The following ZFR2 variants were observed in gnomAD, a reference collection of about 807,000 sequenced individuals.
ZFR2 encodes zinc finger RNA-binding protein 2.
In ZFR2, 104 loss-of-function variants were observed where a neutral mutation model predicts 105.7. That is an observed-to-expected ratio of 0.98 (90% CI 0.84 to 1.16). The LOEUF is 1.16. Ranked by LOEUF, ZFR2 falls within the 50% of genes most tolerant of loss-of-function variation. ZFR2 has a pLI of 0.00. For synonymous variants in ZFR2, 634 were observed against 597.7 expected, an observed-to-expected ratio of 1.06 and a Z score of -0.89; for missense variants, 1,425 against 1,355.5, an observed-to-expected ratio of 1.05 and a Z score of -0.80.
At chr19:3,856,868 A>T (rs1185655244) in intron 1 of ZFR2, 1 of 145,454 alleles carries the variant, frequency 6.9e-6, no homozygotes, top group African/African-American at 2.5e-5. Context: ...GTAGCTGGGA[A>T]TATAGGCACC....
chr19:3,844,044 G>T (rs1438987411), intron 1 of ZFR2, among the ~76,000 whole-genome samples: 5 of 149,024 alleles, frequency 3.4e-5, no homozygotes, highest in South Asian at 2.2e-4. Flanking sequence ...CCGGGGAGGG[G>T]AAGGGGAGTG....
intron 1 of ZFR2, among the ~76,000 whole-genome samples, chr19:3,846,334 G>A (rs1483831929): frequency 3.9e-5 from 6 of 152,212 alleles, no homozygotes; most frequent in Non-Finnish European, 7.3e-5. Flanking sequence ...CAGAACCCAT[G>A]GATAGGGAGG....
chr19:3,822,842 G>A (rs569689871), intron 8 of ZFR2, among the ~76,000 whole-genome samples: 2 of 152,298 alleles, frequency 1.3e-5, no homozygotes, highest in East Asian at 3.9e-4. Flanking sequence ...CCAGGAGCTC[G>A]GCTCCACTGC....
intron 5 of ZFR2, among the ~76,000 whole-genome samples, chr19:3,828,962 C>CTTTTT (rs34334054): frequency 7.2e-6 from 1 of 139,774 alleles, no homozygotes; most frequent in African/African-American, 2.7e-5. Flanking sequence ...ACTTAGGAAT[C>CTTTTT]TTTTTTTTTT....
At chr19:3,829,779 G>T (rs1401764096) in intron 5 of ZFR2, among the ~76,000 whole-genome samples, 1 of 152,216 alleles carries the variant, frequency 6.6e-6, no homozygotes, top group Non-Finnish European at 1.5e-5. Flanking sequence ...CTCCCAAGGT[G>T]CTGGGATTAC....
intron 5 of ZFR2, among the ~76,000 whole-genome samples, chr19:3,830,012 C>T (rs1487617770): frequency 6.6e-6 from 1 of 152,146 alleles, no homozygotes; most frequent in Non-Finnish European, 1.5e-5. Context: ...ATTAAATAAC[C>T]CACACGGGCC....
At chr19:3,821,277 A>T in intron 10 of ZFR2, 63 bp downstream of exon 10, 1 of 1,470,078 alleles carries the variant, frequency 6.8e-7, no homozygotes. Flanking sequence ...GTGGGCGTCT[A>T]GGTTCCACGC....
intron 1 of ZFR2, among the ~76,000 whole-genome samples, chr19:3,845,917 T>G (rs1261528074): frequency 6.6e-6 from 1 of 152,202 alleles, no homozygotes; most frequent in Admixed American, 6.5e-5. Context: ...GGGCGCGGAT[T>G]CAGCCCCTGA....
chr19:3,861,956 T>C (rs766717601), intron 1 of ZFR2, among the ~76,000 whole-genome samples: 1 of 151,972 alleles, frequency 6.6e-6, no homozygotes, highest in Non-Finnish European at 1.5e-5. Context: ...ACAAAGACAA[T>C]GAACACAGGG....
At position 3,821,404 on chromosome 19, in the gene ZFR2, T is replaced by C. The variant is rs1006362158; in HGVS notation, c.1567A>G (p.Arg523Gly). Residue 523 changes from arginine (R) to glycine (G), a missense_variant, in exon 10 of 19, where the codon AGG (arginine) becomes GGG (glycine). Physicochemically the swap from Arg to Gly is moderately radical, Grantham distance 125. Coordinates refer to ENST00000262961, the MANE Select transcript of ZFR2 (RefSeq NM_015174.2). ...TCCTCCGCCAGGTGCCGCTGCTTCC[T>C]CATGCGCTCCTCCAGGACCTTCCGA... is the stretch of plus-strand genomic sequence containing the variant. ...RARKVLEERMRKQRHLAEERL... is the reference protein window; with the variant it reads ...RARKVLEERMGKQRHLAEERL... 6 of 1,611,772 alleles carry C rather than the reference T, an allele frequency of 3.7e-6. No homozygotes were observed. The Admixed American group carries it at 8.3e-5, about 22-fold the overall frequency.
rs752530849 is a variant in ZFR2 at position 3,833,794 on chromosome 19, G to A, written c.265-16C>T. ...TGTAACTGTCCTATGTGGGGGTTTCGGCAGGAGAGAGACAGAGAACGGAGG... is the reference window on the plus strand; with the variant it reads ...TGTAACTGTCCTATGTGGGGGTTTCAGCAGGAGAGAGACAGAGAACGGAGG... On this transcript the variant is annotated splice_polypyrimidine_tract_variant and intron_variant, in intron 2 of 18. Transcript: ENST00000262961. 9.6e-6 allele frequency: 15 copies of A among 1,555,102 alleles called. No individual in the cohort carries two copies. Among genetic ancestry groups the A allele is most frequent in the African/African-American group, 2.7e-5 (2 of 73,496 alleles).
Position 3,813,110 on chromosome 19 carries a change from G to A in ZFR2, c.2242+710C>T, listed in dbSNP as rs565513866. On this transcript the variant is annotated intron_variant, in intron 14 of 18. Transcript: ENST00000262961. The surrounding 1 kb of genome is among the most constrained non-coding windows in gnomAD (Gnocchi z 4.4). ...ACAAACAAACAAAAAATACCAAATC[G>A]ATTGAAAGAGAAACATCAGTAGGTC... is the stretch of plus-strand genomic sequence containing the variant. Among the ~76,000 whole-genome samples, 18 of 152,164 alleles carry A rather than the reference G, an allele frequency of 1.2e-4. No individual in the cohort carries two copies. The highest frequency in any genetic ancestry group is 4.2e-4 in the South Asian group (2 of 4,818).
At chr19:3,868,595 G>A (rs909205020) in intron 1 of ZFR2, among the ~76,000 whole-genome samples, 2 of 139,728 alleles carry the variant, frequency 1.4e-5, no homozygotes, top group Non-Finnish European at 3.1e-5. Context: ...CCCCCGCCCG[G>A]GTCTGTCCCC....
At chr19:3,833,858 A>C in intron 2 of ZFR2, 80 bp from the exon 3 acceptor site, 1 of 1,083,540 alleles carries the variant, frequency 9.2e-7, no homozygotes, top group Non-Finnish European at 1.3e-6. Context: ...GCCCTGCCAC[A>C]CTGCACTCTG....
At chr19:3,855,104 C>G (rs927706721) in intron 1 of ZFR2, among the ~76,000 whole-genome samples, 3 of 152,126 alleles carry the variant, frequency 2.0e-5, no homozygotes, top group African/African-American at 7.2e-5. Flanking sequence ...CTATGTCGCC[C>G]AGGCTGGTCT....
chr19:3,844,769 A>C (rs1122500), intron 1 of ZFR2, among the ~76,000 whole-genome samples: 1 of 152,088 alleles, frequency 6.6e-6, no homozygotes, highest in Middle Eastern at 3.2e-3. Context: ...TAGATGAGTC[A>C]GGGTTCCAGC....
Position 3,835,121 on chromosome 19 carries a change from C to T in ZFR2, c.54-138G>A, listed in dbSNP as rs113428650. 6,187 of 929,188 alleles carry T rather than the reference C, an allele frequency of 6.7e-3. 225 individuals are homozygous for T. In the African/African-American group the frequency reaches 0.086, roughly 13 times the overall value. The allele number at this position is 929,188 out of a possible 1,614,324, so 57.6% of individuals were successfully genotyped here. A position where few individuals can be genotyped will look rare whatever the true frequency, so the allele number is the denominator to read the frequency against. On this transcript the variant is annotated intron_variant, in intron 1 of 18. Coordinates refer to ENST00000262961, the MANE Select transcript of ZFR2 (RefSeq NM_015174.2). Reference sequence around the variant, plus strand: ...GGAGACCCTCCTAGGAGCCCAGGCACGGCCGGAAGCACTTTACACAAATTA... The same window carrying T: ...GGAGACCCTCCTAGGAGCCCAGGCATGGCCGGAAGCACTTTACACAAATTA...
intron 6 of ZFR2, 91 bp downstream of exon 6, chr19:3,827,380 C>T: frequency 1.4e-6 from 2 of 1,382,668 alleles, no homozygotes. Context: ...CCAGCTCCCT[C>T]TGATCTCCCC....
intron 1 of ZFR2, among the ~76,000 whole-genome samples, chr19:3,866,887 T>G (rs1032151421): frequency 1.3e-5 from 2 of 152,176 alleles, no homozygotes; most frequent in African/African-American, 4.8e-5. Context: ...CATAGATTCT[T>G]TCCCTAATAG....
Sources: gnomAD v4.1 joint callset for allele counts (sites outside exome capture counted in the v4.1 genomes callset) on GRCh38, gnomAD v4.1.1 for gene constraint, Gnocchi (gnomAD v3.1) non-coding constraint, MANE v1.5 for transcripts, NCBI Gene and HGNC (gene_info 2026-07-23, HGNC 2026-07-21) for gene names.